WDR49: variants seen among roughly 807,000 people sequenced by gnomAD.
WDR49 encodes WD repeat domain 49.
A neutral mutation model predicts 119.5 loss-of-function variants in WDR49; 107 were observed. The ratio of observed to expected loss-of-function variants is 0.90; its 90% CI spans 0.77 to 1.05. The LOEUF (loss-of-function observed/expected upper bound fraction) is 1.05. Among genes scored for constraint, WDR49 ranks in the 50% least tolerant of loss-of-function variants. The probability of loss-of-function intolerance (pLI) is 0.00; values close to 1 mark genes in which losing one functional copy is unlikely to be tolerated. For missense variants in WDR49, 1,240 were observed against 1,220.5 expected (o/e 1.02, Z -0.24); for synonymous variants, 425 against 418.8 (o/e 1.01, Z -0.18).
intron 8 of WDR49, among the ~76,000 whole-genome samples, chr3:167,569,990 G>A (rs937849581): frequency 4.6e-5 from 7 of 152,004 alleles, no homozygotes; most frequent in African/African-American, 1.7e-4. Context: ...ATGTATGTGT[G>A]CATGTACATG....
chr3:167,606,496 C>T (rs1716071696), intron 5 of WDR49, among the ~76,000 whole-genome samples: 1 of 152,166 alleles, frequency 6.6e-6, no homozygotes, highest in Non-Finnish European at 1.5e-5. Context: ...TCATTTTAGG[C>T]TTCTGTTTTA....
At chr3:167,541,782 T>C (rs1711851112) in intron 10 of WDR49, among the ~76,000 whole-genome samples, 1 of 152,026 alleles carries the variant, frequency 6.6e-6, no homozygotes, top group Non-Finnish European at 1.5e-5. Flanking sequence ...AATCCACCAG[T>C]CAAGTATCTG....
intron 2 of WDR49, among the ~76,000 whole-genome samples, chr3:167,631,447 C>T (rs1717370249): frequency 6.6e-6 from 1 of 152,004 alleles, no homozygotes; most frequent in African/African-American, 2.4e-5. Flanking sequence ...TGCCACTCTG[C>T]ACATGTCTGA....
intron 7 of WDR49, among the ~76,000 whole-genome samples, chr3:167,593,347 GC>G (rs1466925634): frequency 6.6e-6 from 1 of 151,498 alleles, no homozygotes; most frequent in Non-Finnish European, 1.5e-5. Context: ...CTGTCTTCAA[GC>G]TCACTAATTC....
Position 167,532,822 on chromosome 3 carries a change from A to C in WDR49, c.2053+57T>G, listed in dbSNP as rs752529431. 8.5e-6 allele frequency: 11 copies of C among 1,296,386 alleles called. No homozygotes were observed. The Admixed American group carries it at 9.2e-5, about 11-fold the overall frequency. The allele number at this position is 1,296,386 out of a possible 1,614,324, so 80.3% of individuals were successfully genotyped here. The stretch of plus-strand genomic sequence containing the variant: ...GTCGCATCAGGCACATGCATGAACA[A>C]CCAGGCCTACTGTGATTTGACTAGC... On this transcript the variant is annotated intron_variant, in intron 12 of 18. Coordinates refer to ENST00000682715, the MANE Select transcript of WDR49 (RefSeq NM_001366157.1).
chr3:167,591,812 A>G (rs774251123), intron 7 of WDR49, among the ~76,000 whole-genome samples: 7 of 152,014 alleles, frequency 4.6e-5, no homozygotes, highest in Non-Finnish European at 1.0e-4. Flanking sequence ...CTTGTAGGCA[A>G]TAGATAATTG....
In WDR49 at chr3:167,626,860, C is replaced by T; in HGVS notation, c.598G>A (p.Val200Ile). The change falls in exon 3 of 19, where the codon GTA becomes ATA. Residue 200 changes from valine (V) to isoleucine (I), a missense_variant. Physicochemically the swap from Val to Ile is conservative, Grantham distance 29. Transcript: ENST00000682715. ...TTATAAAGAGTCTGTACCTTGTTTA[C>T]ATTTTCCAGAGAAACCAGACTTGTC... is the stretch of plus-strand genomic sequence containing the variant. ...WVTSLVSLEN[V>I]NKIAVAFTSK... 3 of 1,249,524 alleles carry T rather than the reference C, an allele frequency of 2.4e-6. No individual in the cohort carries two copies. Among genetic ancestry groups the T allele is most frequent in the Non-Finnish European group, 3.0e-6 (3 of 996,642 alleles). The allele number at this position is 1,249,524 out of a possible 1,614,324, so 77.4% of individuals were successfully genotyped here.
At chr3:167,561,821 C>T (rs562123431) in intron 8 of WDR49, among the ~76,000 whole-genome samples, 2 of 152,198 alleles carry the variant, frequency 1.3e-5, no homozygotes, top group East Asian at 1.9e-4. Context: ...ATAATGTCCC[C>T]AAACTTACAG....
At chr3:167,486,915 C>T (rs951865142) in intron 18 of WDR49, among the ~76,000 whole-genome samples, 2 of 152,062 alleles carry the variant, frequency 1.3e-5, no homozygotes, top group South Asian at 2.1e-4. Context: ...CATGGAACAA[C>T]CAACAGAATA....
chr3:167,512,086 C>T (rs1436758949), intron 16 of WDR49, among the ~76,000 whole-genome samples: 1 of 152,178 alleles, frequency 6.6e-6, no homozygotes, highest in Non-Finnish European at 1.5e-5. Flanking sequence ...GGGCAGCACA[C>T]CCATTCCACC....
intron 8 of WDR49, among the ~76,000 whole-genome samples, chr3:167,574,603 T>TACA (rs1714135877): frequency 6.7e-6 from 1 of 150,314 alleles, no homozygotes; most frequent in Admixed American, 6.6e-5. Context: ...TGTCCTTTGG[T>TACA]TGCCTATAAG....
At chr3:167,508,681 A>G (rs1751863239) in intron 16 of WDR49, among the ~76,000 whole-genome samples, 1 of 152,186 alleles carries the variant, frequency 6.6e-6, no homozygotes, top group Non-Finnish European at 1.5e-5. Flanking sequence ...CCCAAATAAC[A>G]ATTTGCTGTT....
At chr3:167,629,255 G>T (rs1379153786) in intron 2 of WDR49, among the ~76,000 whole-genome samples, 8 of 152,020 alleles carry the variant, frequency 5.3e-5, no homozygotes, top group African/African-American at 1.7e-4. Flanking sequence ...CTGTTTCTGT[G>T]CTCTATAAGT....
intron 11 of WDR49, among the ~76,000 whole-genome samples, chr3:167,534,665 A>T (rs989988792): frequency 3.9e-5 from 6 of 152,286 alleles, no homozygotes; most frequent in African/African-American, 1.4e-4. Flanking sequence ...TTTTGGTTCT[A>T]TAAAAAAAAT....
At chr3:167,527,705 A>T in intron 15 of WDR49, 115 bp downstream of exon 15, 1 of 1,093,052 alleles carries the variant, frequency 9.1e-7, no homozygotes, top group Non-Finnish European at 1.3e-6. Flanking sequence ...AAATGTTGTC[A>T]GTTCTTTCAT....
At chr3:167,500,130 G>T (rs777324249) in intron 18 of WDR49, 23 bp downstream of exon 18, 3 of 1,540,142 alleles carry the variant, frequency 1.9e-6, no homozygotes, top group Non-Finnish European at 2.6e-6. Context: ...GATAATAGAG[G>T]TGTATGATGG....
chr3:167,605,018 GTGT>G (rs1715981954), intron 5 of WDR49, among the ~76,000 whole-genome samples: 1 of 147,586 alleles, frequency 6.8e-6, no homozygotes, highest in Non-Finnish European at 1.5e-5. Flanking sequence ...TGCTTTGTGT[GTGT>G]GTGTGTGTGT....
intron 15 of WDR49, among the ~76,000 whole-genome samples, chr3:167,526,097 T>C (rs1752619591): frequency 6.6e-6 from 1 of 152,200 alleles, no homozygotes; most frequent in South Asian, 2.1e-4. Flanking sequence ...TAGCCTTCAA[T>C]TTGTAAAACT....
Position 167,532,967 on chromosome 3 carries a change from A to T in WDR49, c.1965T>A (p.Asp655Glu). 1 of 1,602,212 alleles carries T rather than the reference A, an allele frequency of 6.2e-7. No homozygotes were observed. ...TATTGTTCCATAGAACAATTTCTCCATCATAACTCCCTACACAAGACAGGA... is the reference window on the plus strand; with the variant it reads ...TATTGTTCCATAGAACAATTTCTCCTTCATAACTCCCTACACAAGACAGGA... ...PPQTLVTGSYDGEIVLWNNST... is the reference protein window; with the variant it reads ...PPQTLVTGSYEGEIVLWNNST... Residue 655 changes from aspartate to glutamate, a missense_variant, in exon 12 of 19, where the codon GAT becomes GAA. By Grantham distance (45) the Asp-to-Glu change is conservative. Coordinates refer to ENST00000682715, the MANE Select transcript of WDR49 (RefSeq NM_001366157.1).
Sources: allele counts gnomAD v4.1 joint callset (sites outside exome capture counted in the v4.1 genomes callset), GRCh38; gene constraint gnomAD v4.1.1; transcripts MANE v1.5; gene names NCBI Gene and HGNC (gene_info 2026-07-23, HGNC 2026-07-21).